The following DSCAML1 variants were observed in gnomAD, a reference collection of about 807,000 sequenced individuals.
DSCAML1 encodes cell adhesion molecule DSCAML1.
A neutral mutation model predicts 200.5 loss-of-function variants in DSCAML1; 38 were observed. The ratio of observed to expected loss-of-function variants is 0.19; its 90% CI spans 0.15 to 0.25. The LOEUF (loss-of-function observed/expected upper bound fraction) is 0.25. Among genes scored for constraint, DSCAML1 ranks in the 10% least tolerant of loss-of-function variants. DSCAML1 has a pLI of 1.00. For missense variants in DSCAML1, 2,223 were observed against 2,858.8 expected, an observed-to-expected ratio of 0.78 and a Z score of 5.07; for synonymous variants, 1,215 against 1,165.0, an observed-to-expected ratio of 1.04 and a Z score of -0.87.
intron 8 of DSCAML1, among the ~76,000 whole-genome samples, chr11:117,506,547 C>CTTTTT (rs5795089): frequency 1.0e-5 from 1 of 96,856 alleles, no homozygotes; most frequent in Admixed American, 1.1e-4. Context: ...CAAGAGATAA[C>CTTTTT]TTTTTTTTTT....
chr11:117,762,571 T>A (rs12794454), intron 3 of DSCAML1, among the ~76,000 whole-genome samples: 20,035 of 152,184 alleles, frequency 0.13, 1,409 homozygotes, highest in South Asian at 0.17. Context: ...TCAAATTTTA[T>A]ATATATATGG....
chr11:117,524,682 T>A, intron 5 of DSCAML1, 123 bp downstream of exon 5: 1 of 1,248,538 alleles, frequency 8.0e-7, no homozygotes, highest in Non-Finnish European at 1.1e-6. Context: ...CCTTCCCCAG[T>A]CAGCCAGGGT....
chr11:117,571,971 G>C (rs950870831), intron 3 of DSCAML1, among the ~76,000 whole-genome samples: 1 of 152,176 alleles, frequency 6.6e-6, no homozygotes, highest in African/African-American at 2.4e-5. Flanking sequence ...CAATGCCATG[G>C]CAACGTCAGG....
intron 4 of DSCAML1, among the ~76,000 whole-genome samples, chr11:117,531,818 G>C (rs1025040407): frequency 6.6e-6 from 1 of 151,654 alleles, no homozygotes; most frequent in African/African-American, 2.4e-5. Flanking sequence ...CCCAGGGGGC[G>C]GAAGTTACAG....
chr11:117,767,679 C>T (rs1401741098), intron 3 of DSCAML1, among the ~76,000 whole-genome samples: 1 of 152,120 alleles, frequency 6.6e-6, no homozygotes, highest in Non-Finnish European at 1.5e-5. Flanking sequence ...ACAGTAATTG[C>T]TGGGAGTTCC....
chr11:117,563,782 G>A (rs114625950), intron 3 of DSCAML1, among the ~76,000 whole-genome samples: 233 of 152,300 alleles, frequency 1.5e-3, no homozygotes, highest in African/African-American at 5.1e-3. Flanking sequence ...GTGTGACAGC[G>A]AGGACCATTC....
rs767473015 is a variant in DSCAML1, at chr11:117,465,043, T to A, written c.3164A>T (p.Asn1055Ile). The A allele has an allele frequency of 6.2e-7, 1 of 1,614,110 alleles. No individual in the cohort carries two copies. Among genetic ancestry groups the A allele is most frequent in the Admixed American group, 1.7e-5 (1 of 60,028 alleles). The change falls in exon 17 of 33, where the codon AAC (asparagine) becomes ATC (isoleucine). Residue 1055 changes from asparagine to isoleucine, a missense_variant. Around this residue, in one of 7 missense-constraint regions of DSCAML1, gnomAD observed 438 missense variants for 629.7 expected, o/e 0.70. Transcript: ENST00000651296. ...TGDSEVYTLDNLKKFAQYGVV... is the reference protein window; with the variant it reads ...TGDSEVYTLDILKKFAQYGVV... ...CCCATACTGGGCGAACTTCTTGAGG[T>A]TGTCCAGGGTGTAGACCTCGCTGTC...
intron 3 of DSCAML1, among the ~76,000 whole-genome samples, chr11:117,538,920 T>C (rs920983267): frequency 1.3e-5 from 2 of 152,052 alleles, no homozygotes; most frequent in African/African-American, 4.8e-5. Context: ...GCCAGCAGCC[T>C]CCTGACTGGC....
At chr11:117,600,797 T>C (rs2051451232) in intron 3 of DSCAML1, among the ~76,000 whole-genome samples, 1 of 151,810 alleles carries the variant, frequency 6.6e-6, no homozygotes, top group South Asian at 2.1e-4. Flanking sequence ...AGGGAGAAGG[T>C]GATTTATGAA....
At chr11:117,595,056 T>TCTTA (rs1280296280) in intron 3 of DSCAML1, among the ~76,000 whole-genome samples, 1 of 67,442 alleles carries the variant, frequency 1.5e-5, no homozygotes, top group Non-Finnish European at 3.0e-5. Flanking sequence ...TCTGTCTTTC[T>TCTTA]CTTACACACA....
chr11:117,432,563 G>T, intron 29 of DSCAML1, 59 bp from the exon 30 acceptor site: 1 of 1,525,984 alleles, frequency 6.6e-7, no homozygotes, highest in Non-Finnish European at 8.9e-7. Flanking sequence ...AAGCTCTTTT[G>T]GATGTGACTG....
chr11:117,788,552 C>A (rs1020032493), intron 1 of DSCAML1, among the ~76,000 whole-genome samples: 1 of 152,230 alleles, frequency 6.6e-6, no homozygotes, highest in African/African-American at 2.4e-5. Flanking sequence ...GTCTCGAACT[C>A]CTGACCTCAA....
At chr11:117,509,048 A>G (rs1033226248) in intron 8 of DSCAML1, among the ~76,000 whole-genome samples, 1 of 152,158 alleles carries the variant, frequency 6.6e-6, no homozygotes, top group African/African-American at 2.4e-5. Context: ...GGCTGGGGAA[A>G]GTAGAAACAC....
At chr11:117,479,493 C>T (rs1380749786) in intron 14 of DSCAML1, among the ~76,000 whole-genome samples, 1 of 152,184 alleles carries the variant, frequency 6.6e-6, no homozygotes, top group African/African-American at 2.4e-5. Flanking sequence ...CTCTGTTCCC[C>T]TCTGAGGCCC....
intron 8 of DSCAML1, among the ~76,000 whole-genome samples, chr11:117,513,008 C>G (rs1287334345): frequency 2.6e-5 from 4 of 152,112 alleles, no homozygotes; most frequent in Admixed American, 2.6e-4. Flanking sequence ...CCCGCTGCAC[C>G]CGTTATTATT....
chr11:117,507,733 G>A (rs912725783), intron 8 of DSCAML1, among the ~76,000 whole-genome samples: 1 of 152,154 alleles, frequency 6.6e-6, no homozygotes, highest in African/African-American at 2.4e-5. Flanking sequence ...CAAGCACATG[G>A]GCTCCTCACC....
intron 3 of DSCAML1, among the ~76,000 whole-genome samples, chr11:117,630,828 G>A (rs773330062): frequency 6.6e-6 from 1 of 152,114 alleles, no homozygotes; most frequent in Non-Finnish European, 1.5e-5. Flanking sequence ...GCAGGAGGAA[G>A]AGTGCCTGGG....
At chr11:117,809,996 TAC>T (rs143416707) in intron 1 of DSCAML1, among the ~76,000 whole-genome samples, 34,267 of 150,634 alleles carry the variant, frequency 0.23, 4,359 homozygotes, top group Non-Finnish European at 0.29. Flanking sequence ...CACATTCACA[TAC>T]ACACATTCCC....
chr11:117,460,914 G>A (rs529317915), intron 18 of DSCAML1, among the ~76,000 whole-genome samples: 4 of 151,810 alleles, frequency 2.6e-5, no homozygotes, highest in Non-Finnish European at 4.4e-5. Context: ...TCTCCCCCTT[G>A]GCCTTAGGTG....
Sources: allele counts gnomAD v4.1 joint callset (sites outside exome capture counted in the v4.1 genomes callset), GRCh38; gene constraint gnomAD v4.1.1; regional missense constraint gnomAD v4.1.1; transcripts MANE v1.5; gene names NCBI Gene and HGNC (gene_info 2026-07-23, HGNC 2026-07-21).